The following NLRC4 variants were observed in gnomAD, a reference collection of about 807,000 sequenced individuals.
NLRC4 encodes the protein NLR family CARD domain-containing protein 4.
NLRC4 carries 63 observed loss-of-function variants against 79.9 expected under a neutral mutation model. The ratio of observed to expected loss-of-function variants is 0.79; its 90% CI spans 0.64 to 0.97. NLRC4 has a LOEUF of 0.97. NLRC4 is among the 50% of genes least tolerant of loss of function. NLRC4 has a pLI of 0.00. For missense variants in NLRC4, 1,074 were observed against 1,215.2 expected (o/e 0.88, Z 1.73); for synonymous variants, 461 against 456.5 (o/e 1.01, Z -0.12).
chr2:32,252,019 C>T (rs571342627), intron 3 of NLRC4, among the ~76,000 whole-genome samples: 100 of 152,256 alleles, frequency 6.6e-4, no homozygotes, highest in Non-Finnish European at 1.3e-3. Flanking sequence ...AATCATGGTT[C>T]TGTGTCAGTC....
At chr2:32,233,214 G>T (rs1162386676) in intron 8 of NLRC4, among the ~76,000 whole-genome samples, 3 of 110,210 alleles carry the variant, frequency 2.7e-5, no homozygotes, top group Non-Finnish European at 3.6e-5. Flanking sequence ...GGGAAAGGAA[G>T]AAGGAAGGGA....
intron 1 of NLRC4, among the ~76,000 whole-genome samples, chr2:32,262,881 G>C (rs1488827241): frequency 7.9e-5 from 12 of 151,466 alleles, no homozygotes; most frequent in Non-Finnish European, 2.9e-5. Flanking sequence ...AACTGAATTG[G>C]GTGGAAGAAG....
chr2:32,245,204 A>C lies in NLRC4; in HGVS notation c.2258-4079T>G, dbSNP rs780074363. The stretch of plus-strand genomic sequence containing the variant: ...TGGGCGCCTGTAATCCCAGCTACTC[A>C]GGAGGCTGAGGTAAGAGAATCACTT... On this transcript the variant is annotated intron_variant, in intron 4 of 8. Transcript: ENST00000402280. 2.7e-5 allele frequency among the ~76,000 whole-genome samples: 4 copies of C among 149,904 alleles called. No homozygotes were observed. In the South Asian group the frequency reaches 8.7e-4, roughly 33 times the overall value.
intron 2 of NLRC4, among the ~76,000 whole-genome samples, chr2:32,255,136 G>A (rs945605498): frequency 2.6e-5 from 4 of 151,694 alleles, no homozygotes; most frequent in African/African-American, 9.7e-5. Flanking sequence ...TCTCCTTCTG[G>A]GGTCTCATCT....
rs1428460734 is a variant in NLRC4 at position 32,250,559 on chromosome 2, G to C, written c.1305C>G (p.Phe435Leu). ...TGTGAAAGAATTTATACTTTGGCTT[G>C]AACCTTTGAGCTGTATATTTACAGA... ...GLLCKYTAQR[F>L]KPKYKFFHKS... The change falls in exon 4 of 9, where the codon TTC (phenylalanine) becomes TTG (leucine). Residue 435 changes from phenylalanine to leucine, a missense_variant. By Grantham distance (22) the Phe-to-Leu change is conservative (BLOSUM62 0). Transcript: ENST00000402280. The surrounding 1 kb of genome is among the most constrained non-coding windows in gnomAD (Gnocchi z 4.9). 3 of 1,614,140 alleles carry C rather than the reference G, an allele frequency of 1.9e-6. No homozygotes were observed. The highest frequency in any genetic ancestry group is 2.2e-5 in the South Asian group (2 of 91,084).
Position 32,238,498 on chromosome 2 carries a change from C to T in NLRC4, c.2351-196G>A, listed in dbSNP as rs114531678. Among the ~76,000 whole-genome samples, 912 of 152,232 alleles carry T rather than the reference C, an allele frequency of 6.0e-3. 11 individuals are homozygous for T. The highest frequency in any genetic ancestry group is 0.021 in the African/African-American group (854 of 41,548). On this transcript the variant is annotated intron_variant, in intron 5 of 8. Coordinates refer to ENST00000402280, the MANE Select transcript of NLRC4 (RefSeq NM_001199138.2). The stretch of plus-strand genomic sequence containing the variant: ...TCACTTTCCAGTCTCTTGGACCACA[C>T]AAAAAATCACTTATATGGAGGTTAT...
At chr2:32,225,190 TG>T (rs1230020237) in intron 8 of NLRC4, among the ~76,000 whole-genome samples, 4 of 152,206 alleles carry the variant, frequency 2.6e-5, no homozygotes, top group African/African-American at 9.6e-5. Flanking sequence ...TCTATGGGTA[TG>T]TTCCTAACTG....
At chr2:32,261,316 C>CCTTTTTT in intron 1 of NLRC4, among the ~76,000 whole-genome samples, 3 of 96,882 alleles carry the variant, frequency 3.1e-5, no homozygotes, top group South Asian at 3.1e-4. Context: ...AGCCTCCCCC[C>CCTTTTTT]TTTTGTTTTT....
intron 1 of NLRC4, among the ~76,000 whole-genome samples, chr2:32,262,901 C>G (rs1431364585): frequency 1.3e-5 from 2 of 151,694 alleles, no homozygotes; most frequent in South Asian, 2.1e-4. Flanking sequence ...GTCCTTCCCC[C>G]ACATTTGTAC....
Position 32,251,236 on chromosome 2 carries a change from C to A in NLRC4, c.628G>T (p.Gly210Cys), listed in dbSNP as rs1183084195. 6.2e-7 allele frequency: 1 copy of A among 1,614,110 alleles called. No homozygotes were observed. The highest frequency in any genetic ancestry group is 8.5e-7 in the Non-Finnish European group (1 of 1,180,020). Reference sequence around the variant, plus strand: ...TCACAGAGGGTTTCAAAAAGTCCACCCTGGGCCCTGCTGAGACGGAGGAAG... The same window carrying A: ...TCACAGAGGGTTTCAAAAAGTCCACACTGGGCCCTGCTGAGACGGAGGAAG... Reference protein sequence around the residue: ...VFFLRLSRAQGGLFETLCDQL... With the variant: ...VFFLRLSRAQCGLFETLCDQL... Residue 210 changes from glycine (G) to cysteine (C), a missense_variant, in exon 4 of 9, where the codon GGT (glycine) becomes TGT (cysteine). Transcript: ENST00000402280.
rs1465427671 is a variant in NLRC4 at position 32,235,502 on chromosome 2, C to T, written c.2681G>A (p.Gly894Asp). The change falls in exon 8 of 9, where the codon GGC (glycine) becomes GAC (aspartate). Residue 894 changes from glycine (G) to aspartate (D), a missense_variant. Transcript: ENST00000402280. Reference sequence around the variant, plus strand: ...ATGTTTCAACAGGCTGCTCAGGCTGCCTTGCACGTCACAGCCCCAGGGCAG... The same window carrying T: ...ATGTTTCAACAGGCTGCTCAGGCTGTCTTGCACGTCACAGCCCCAGGGCAG... ...LMLPWGCDVQ[G>D]SLSSLLKHLE... 1.2e-6 allele frequency: 2 copies of T among 1,614,136 alleles called. No homozygotes were observed. The highest frequency in any genetic ancestry group is 2.2e-5 in the South Asian group (2 of 91,086).
chr2:32,246,762 A>G (rs1686947232), intron 4 of NLRC4, among the ~76,000 whole-genome samples: 1 of 152,182 alleles, frequency 6.6e-6, no homozygotes, highest in African/African-American at 2.4e-5. Context: ...ATATTCCCCA[A>G]ATCTTCTGTC....
At chr2:32,247,383 C>T (rs1381198094) in intron 4 of NLRC4, among the ~76,000 whole-genome samples, 3 of 148,260 alleles carry the variant, frequency 2.0e-5, no homozygotes, top group South Asian at 4.2e-4. Flanking sequence ...GGCGTGATCT[C>T]GGCCCACCGC....
rs1386618297 is a variant in NLRC4 at position 32,250,830 on chromosome 2, C to A, written c.1034G>T (p.Cys345Phe). Residue 345 changes from cysteine to phenylalanine, a missense_variant, in exon 4 of 9, where the codon TGT becomes TTT. By Grantham distance (205) the Cys-to-Phe change is radical (BLOSUM62 -2). Coordinates refer to ENST00000402280, the MANE Select transcript of NLRC4 (RefSeq NM_001199138.2). The surrounding 1 kb of genome is among the most constrained non-coding windows in gnomAD (Gnocchi z 4.9). ...CTCACTTTCACCCATCTGGATTGCACAAGTGATGACCACAAAGAGAGGGGT... is the reference window on the plus strand; with the variant it reads ...CTCACTTTCACCCATCTGGATTGCAAAAGTGATGACCACAAAGAGAGGGGT... ...MKTPLFVVIT[C>F]AIQMGESEFH... 6.2e-7 allele frequency: 1 copy of A among 1,614,058 alleles called. No homozygotes were observed. The highest frequency in any genetic ancestry group is 8.5e-7 in the Non-Finnish European group (1 of 1,180,042).
At chr2:32,226,741 G>A (rs539592864) in intron 8 of NLRC4, among the ~76,000 whole-genome samples, 3 of 152,138 alleles carry the variant, frequency 2.0e-5, no homozygotes, top group African/African-American at 7.2e-5. Context: ...TTAGCCAGGC[G>A]TGGTGGTGCA....
At position 32,236,266 on chromosome 2, in the gene NLRC4, A is replaced by G; in HGVS notation, c.2595T>C (p.Asn865=). The change falls in exon 7 of 9, where the codon AAT becomes AAC. Residue 865 remains asparagine (N), a synonymous_variant. Coordinates refer to ENST00000402280, the MANE Select transcript of NLRC4 (RefSeq NM_001199138.2). ...TCTTACTCAGTTCATGAAGAGCTTC[A>G]TTTCCATCTTTTTCCAGGTAATTTT... ...LSENYLEKDG[N]EALHELIDRM... 1 of 1,608,906 alleles carries G rather than the reference A, an allele frequency of 6.2e-7. No homozygotes were observed. The highest frequency in any genetic ancestry group is 1.1e-5 in the South Asian group (1 of 90,652).
In NLRC4 at chr2:32,250,925, C is replaced by T. The variant is rs1687059825; in HGVS notation, c.939G>A (p.Leu313=). ...ACAAGCCTTCAGCAAGCTCCTTGATCAGCACTTCTCGGATGAGAGCCTGGG... is the reference window on the plus strand; with the variant it reads ...ACAAGCCTTCAGCAAGCTCCTTGATTAGCACTTCTCGGATGAGAGCCTGGG... The part of the protein sequence containing the change: ...DSAQALIREV[L]IKELAEGLLL... Residue 313 remains leucine, a synonymous_variant, in exon 4 of 9, where the codon CTG becomes CTA. Coordinates refer to ENST00000402280, the MANE Select transcript of NLRC4 (RefSeq NM_001199138.2). This position sits in a 1 kb window ranked among gnomAD's most constrained non-coding sequence, Gnocchi z 4.9. 2 of 1,613,978 alleles carry T rather than the reference C, an allele frequency of 1.2e-6. No individual in the cohort carries two copies. The highest frequency in any genetic ancestry group is 1.7e-6 in the Non-Finnish European group (2 of 1,179,996).
At chr2:32,253,443 C>T (rs775647307) in intron 2 of NLRC4, among the ~76,000 whole-genome samples, 136 of 152,144 alleles carry the variant, frequency 8.9e-4, no homozygotes, top group Admixed American at 7.9e-4. Flanking sequence ...CCACCGTGCC[C>T]GGCCTCTGCA....
At position 32,224,702 on chromosome 2, in the gene NLRC4, A is replaced by G; in HGVS notation, c.2846T>C (p.Val949Ala). The G allele has an allele frequency of 1.2e-6, 2 of 1,606,306 alleles. No homozygotes were observed. Among genetic ancestry groups the G allele is most frequent in the Non-Finnish European group, 1.7e-6 (2 of 1,177,252 alleles). ...GAAGGCAAGCCATCCATCACTGCTC[A>G]CACGATTTCCCGCCAAATTCAACTG... ...FQQLNLAGNRVSSDGWLAFMG... is the reference protein window; with the variant it reads ...FQQLNLAGNRASSDGWLAFMG... Residue 949 changes from valine to alanine, a missense_variant, in exon 9 of 9, where the codon GTG (valine) becomes GCG (alanine). Val to Ala is a moderately conservative substitution (Grantham distance 64). Coordinates refer to ENST00000402280, the MANE Select transcript of NLRC4 (RefSeq NM_001199138.2).
Sources: allele counts gnomAD v4.1 joint callset (sites outside exome capture counted in the v4.1 genomes callset), GRCh38; gene constraint gnomAD v4.1.1; non-coding constraint Gnocchi (gnomAD v3.1); transcripts MANE v1.5; gene names NCBI Gene and HGNC (gene_info 2026-07-23, HGNC 2026-07-21).